ERI1: variants seen among roughly 807,000 people sequenced by gnomAD.
ERI1 encodes the protein 3'-5' exoribonuclease 1.
A neutral mutation model predicts 39.7 loss-of-function variants in ERI1; 39 were observed. The ratio of observed to expected loss-of-function variants is 0.98; its 90% confidence interval spans 0.76 to 1.28. ERI1 has a LOEUF of 1.28. Among genes scored for constraint, ERI1 ranks in the 50% most tolerant of loss-of-function variants. The pLI is 0.00. For missense variants in ERI1, 581 were observed against 416.9 expected, an observed-to-expected ratio of 1.39 and a Z score of -3.43; for synonymous variants, 204 against 149.6, an observed-to-expected ratio of 1.36 and a Z score of -2.65.
At chr8:9,092,055 C>T (rs1367151802) in intron 3 of ERI1, among the ~76,000 whole-genome samples, 1 of 152,196 alleles carries the variant, frequency 6.6e-6, no homozygotes, top group Non-Finnish European at 1.5e-5. Flanking sequence ...CTCCTGGGCT[C>T]AAGTGATCCT....
intron 1 of ERI1, among the ~76,000 whole-genome samples, chr8:9,003,826 C>A (rs1455785333): frequency 6.6e-6 from 1 of 152,194 alleles, no homozygotes; most frequent in Non-Finnish European, 1.5e-5. Context: ...TAAAATTGAT[C>A]TTTTCCTAAT....
intron 3 of ERI1, among the ~76,000 whole-genome samples, chr8:9,046,995 C>A (rs897342780): frequency 6.6e-6 from 1 of 152,224 alleles, no homozygotes; most frequent in East Asian, 1.9e-4. Flanking sequence ...TTTTTTTGAC[C>A]TGTTAGGTTT....
intron 3 of ERI1, among the ~76,000 whole-genome samples, chr8:9,041,470 G>A (rs757348888): frequency 6.6e-5 from 10 of 152,146 alleles, no homozygotes; most frequent in Non-Finnish European, 1.5e-4. Context: ...TTAAAAAATC[G>A]AAATTGTATC....
chr8:9,061,017 T>C (rs1228101255), intron 3 of ERI1, among the ~76,000 whole-genome samples: 1 of 152,234 alleles, frequency 6.6e-6, no homozygotes, highest in Non-Finnish European at 1.5e-5. Context: ...AGTATAAATA[T>C]TGACGCGTAG....
chr8:9,013,558 C>T (rs1241746148), intron 3 of ERI1, among the ~76,000 whole-genome samples: 1 of 152,080 alleles, frequency 6.6e-6, no homozygotes, highest in Non-Finnish European at 1.5e-5. Flanking sequence ...CTGCTTACAT[C>T]CTTTCGCTTG....
In ERI1 at chr8:9,077,075, G is replaced by A. The variant is rs553803940; in HGVS notation, n.300-39273G>A. Among the ~76,000 whole-genome samples, 78 of 152,294 alleles carry A rather than the reference G, an allele frequency of 5.1e-4. 1 individual carries two copies. Among genetic ancestry groups the A allele is most frequent in the Middle Eastern group, 3.4e-3 (1 of 294 alleles). ...GCATGCCAGTGTTACTTATCTGCTG[G>A]TCAGAATGTTTATTAGCTACCCATT... On this transcript the variant is annotated intron_variant and non_coding_transcript_variant, in intron 3 of 3. Transcript: ENST00000518663.
At chr8:9,061,670 G>A (rs919004946) in intron 3 of ERI1, among the ~76,000 whole-genome samples, 4 of 152,196 alleles carry the variant, frequency 2.6e-5, no homozygotes, top group African/African-American at 7.2e-5. Context: ...GTTTTGTAAG[G>A]GATTGAGGTT....
Position 9,029,916 on chromosome 8 carries a change from A to C in ERI1, c.932A>C (p.Gln311Pro). 1 of 1,614,220 alleles carries C rather than the reference A, an allele frequency of 6.2e-7. No individual in the cohort carries two copies. Among genetic ancestry groups the C allele is most frequent in the Non-Finnish European group, 8.5e-7 (1 of 1,180,036 alleles). Residue 311 changes from glutamine (Q) to proline (P), a missense_variant, in exon 7 of 7, where the codon CAG (glutamine) becomes CCG (proline). By Grantham distance (76) the Gln-to-Pro change is moderately conservative (BLOSUM62 -1). Coordinates refer to ENST00000250263, the MANE Select transcript of ERI1 (RefSeq NM_153332.4). Reference sequence around the variant, plus strand: ...GCCCGAATAGCAGTTCGAATGCTTCAGGATGGGTGTGAACTCCGAATCAAC... The same window carrying C: ...GCCCGAATAGCAGTTCGAATGCTTCCGGATGGGTGTGAACTCCGAATCAAC... ...NIARIAVRML[Q>P]DGCELRINEK...
At chr8:9,067,923 T>TACACACACAC (rs34870760) in intron 3 of ERI1, among the ~76,000 whole-genome samples, 2 of 149,742 alleles carry the variant, frequency 1.3e-5, no homozygotes, top group African/African-American at 4.9e-5. Context: ...ATGCTACAAA[T>TACACACACAC]ACACACACAC....
rs188597600 is a variant in ERI1, at chr8:9,042,246, C to T, written n.299+21782C>T. 2.2e-3 allele frequency among the ~76,000 whole-genome samples: 329 copies of T among 152,264 alleles called. 3 individuals carry two copies. The highest frequency in any genetic ancestry group is 6.5e-3 in the African/African-American group (271 of 41,570). The stretch of plus-strand genomic sequence containing the variant: ...CCTCACCCAGCGTATGTTTTGTACG[C>T]TGTGTCCTTGGTCCTCCCTTTGCGA... On this transcript the variant is annotated intron_variant and non_coding_transcript_variant, in intron 3 of 3. Transcript: ENST00000518663.
chr8:9,023,585 C>T (rs1423503785), intron 6 of ERI1, among the ~76,000 whole-genome samples: 1 of 151,920 alleles, frequency 6.6e-6, no homozygotes, highest in African/African-American at 2.4e-5. Flanking sequence ...TTAGCCTGCT[C>T]TTTTTGTGTG....
chr8:9,082,420 G>A (rs1291335832), intron 3 of ERI1, among the ~76,000 whole-genome samples: 1 of 152,208 alleles, frequency 6.6e-6, no homozygotes. Flanking sequence ...ATCATCTGGT[G>A]TTAATATTCT....
intron 3 of ERI1, among the ~76,000 whole-genome samples, chr8:9,045,235 CAAAAAA>C (rs5889258): frequency 4.0e-5 from 3 of 75,670 alleles, no homozygotes; most frequent in African/African-American, 5.1e-5. Context: ...GACTCTGTCT[CAAAAAA>C]AAAAAAAAAA....
chr8:9,053,613 C>T (rs1016084980), intron 3 of ERI1, among the ~76,000 whole-genome samples: 34 of 152,190 alleles, frequency 2.2e-4, no homozygotes. Flanking sequence ...GAACCTGAAG[C>T]AGTCATGGAA....
chr8:9,008,890 T>G (rs1348379847), intron 2 of ERI1: 1 of 361,810 alleles, frequency 2.8e-6, no homozygotes, highest in Non-Finnish European at 5.4e-6. Context: ...TGAATCATAA[T>G]TCTCTTAATA....
chr8:9,091,247 G>A (rs1305480089), intron 3 of ERI1: 1 of 152,200 alleles, frequency 6.6e-6, no homozygotes, highest in Non-Finnish European at 1.5e-5. Context: ...TTGGCCGGGA[G>A]CAGTGGCTCA....
intron 3 of ERI1, among the ~76,000 whole-genome samples, chr8:9,014,065 C>G (rs969872115): frequency 6.6e-5 from 10 of 152,186 alleles, no homozygotes; most frequent in African/African-American, 2.4e-4. Context: ...CAAAACCCTG[C>G]AATGGCTCCT....
At chr8:9,077,938 T>C (rs939963509) in intron 3 of ERI1, among the ~76,000 whole-genome samples, 11 of 152,198 alleles carry the variant, frequency 7.2e-5, no homozygotes, top group Non-Finnish European at 1.3e-4. Context: ...CTTCCTGTGT[T>C]CCCAGAATAC....
intron 6 of ERI1, among the ~76,000 whole-genome samples, chr8:9,026,820 A>G (rs967042693): frequency 6.6e-6 from 1 of 152,022 alleles, no homozygotes; most frequent in Admixed American, 6.6e-5. Flanking sequence ...CTTCTGTCCC[A>G]AGCATTTCAG....
Sources: allele counts gnomAD v4.1 joint callset (sites outside exome capture counted in the v4.1 genomes callset), GRCh38; gene constraint gnomAD v4.1.1; transcripts MANE v1.5; gene names NCBI Gene and HGNC (gene_info 2026-07-23, HGNC 2026-07-21).